The following HIP1 variants were observed in gnomAD, a reference collection of about 807,000 sequenced individuals.
The protein encoded by HIP1 is huntingtin interacting protein 1, also known as huntingtin-interacting protein 1.
Under a neutral mutation model 147.6 loss-of-function variants are expected in HIP1, and 65 were observed. The observed-to-expected ratio is 0.44, with a 90% CI of 0.36 to 0.54. The LOEUF is 0.54. Ranked by LOEUF, HIP1 falls within the 20% of genes least tolerant of loss-of-function variation. The pLI is 0.00. For synonymous variants in HIP1, 479 were observed against 504.0 expected, an observed-to-expected ratio of 0.95 and a Z score of 0.67; for missense variants, 1,061 against 1,299.6, an observed-to-expected ratio of 0.82 and a Z score of 2.82.
chr7:75,649,926 T>C (rs1436868536), intron 1 of HIP1, among the ~76,000 whole-genome samples: 1 of 152,144 alleles, frequency 6.6e-6, no homozygotes, highest in Non-Finnish European at 1.5e-5. Flanking sequence ...GACACTGCTG[T>C]TCCCCCCATA....
At chr7:75,688,288 G>A (rs1554517789) in intron 1 of HIP1, among the ~76,000 whole-genome samples, 1 of 152,176 alleles carries the variant, frequency 6.6e-6, no homozygotes, top group African/African-American at 2.4e-5. Context: ...AGCTTGCAGA[G>A]CTGTTGGGTG....
At chr7:75,694,501 CTTTCTT>C (rs1211885384) in intron 1 of HIP1, among the ~76,000 whole-genome samples, 10 of 138,656 alleles carry the variant, frequency 7.2e-5, no homozygotes, top group African/African-American at 2.4e-4. Flanking sequence ...TCTTTTCTTT[CTTTCTT>C]TTTTTTTTTT....
At chr7:75,559,608 G>C in intron 14 of HIP1, 124 bp downstream of exon 14, 2 of 793,544 alleles carry the variant, frequency 2.5e-6, no homozygotes, top group Non-Finnish European at 3.9e-6. Context: ...GGCATTCCTA[G>C]CTGTTTCTAG....
chr7:75,630,343 C>T (rs1314093161), intron 1 of HIP1, among the ~76,000 whole-genome samples: 2 of 151,422 alleles, frequency 1.3e-5, no homozygotes, highest in Non-Finnish European at 2.9e-5. Flanking sequence ...CCTGTAGTCC[C>T]AACTACTCGG....
intron 1 of HIP1, among the ~76,000 whole-genome samples, chr7:75,644,932 T>C (rs868962513): frequency 1.2e-4 from 19 of 152,316 alleles, no homozygotes; most frequent in African/African-American, 3.6e-4. Context: ...TCCAGGAACC[T>C]TCACTTTGAC....
At chr7:75,691,405 C>T (rs1473595767) in intron 1 of HIP1, among the ~76,000 whole-genome samples, 3 of 150,892 alleles carry the variant, frequency 2.0e-5, no homozygotes, top group East Asian at 2.0e-4. Flanking sequence ...GCAGGAGAAT[C>T]GCTTGAACCT....
chr7:75,619,530 A>AAAAAG (rs2117087417), intron 1 of HIP1, among the ~76,000 whole-genome samples: 1 of 151,868 alleles, frequency 6.6e-6, no homozygotes, highest in African/African-American at 2.4e-5. Flanking sequence ...AAAAAAAAAA[A>AAAAAG]AGAGAAGAAA....
At chr7:75,545,749 T>C (rs782350236) in intron 25 of HIP1, among the ~76,000 whole-genome samples, 2 of 151,902 alleles carry the variant, frequency 1.3e-5, no homozygotes, top group African/African-American at 2.4e-5. Context: ...ATTGAGACCA[T>C]CCTGTCTAAC....
At chr7:75,598,833 A>T (rs1796860234) in intron 2 of HIP1, among the ~76,000 whole-genome samples, 2 of 152,294 alleles carry the variant, frequency 1.3e-5, no homozygotes, top group South Asian at 4.1e-4. Flanking sequence ...CAGGAGTTTG[A>T]GGCTGCAGTG....
intron 1 of HIP1, among the ~76,000 whole-genome samples, chr7:75,621,064 T>C (rs925521395): frequency 5.9e-5 from 9 of 152,050 alleles, no homozygotes; most frequent in African/African-American, 2.2e-4. Flanking sequence ...ATCCTGTCTC[T>C]ACAAAAAAAT....
At chr7:75,541,884 T>C (rs1554489954) in intron 29 of HIP1, 35 bp downstream of exon 29, 2 of 1,480,458 alleles carry the variant, frequency 1.4e-6, no homozygotes, top group Non-Finnish European at 9.5e-7. Context: ...GTCTAGGCAA[T>C]AGAGGCTATC....
intron 8 of HIP1, among the ~76,000 whole-genome samples, chr7:75,571,085 G>A (rs1338250351): frequency 2.0e-5 from 3 of 152,074 alleles, no homozygotes; most frequent in African/African-American, 7.2e-5. Context: ...CCCTTCCTCA[G>A]CCCAGAGGCA....
At chr7:75,583,327 C>T (rs974724950) in intron 5 of HIP1, among the ~76,000 whole-genome samples, 5 of 152,120 alleles carry the variant, frequency 3.3e-5, no homozygotes, top group Admixed American at 6.6e-5. Context: ...GGCCGGCTGC[C>T]GACTGTCCCT....
Position 75,572,193 on chromosome 7 carries a change from T to C in HIP1, c.745+1568A>G, listed in dbSNP as rs191813644. On this transcript the variant is annotated intron_variant, in intron 8 of 30. Coordinates refer to ENST00000336926, the MANE Select transcript of HIP1 (RefSeq NM_005338.7). The stretch of plus-strand genomic sequence containing the variant: ...GAGCCGAGATCATGCCATTGCACTC[T>C]AGCCTGGGTGAGAGAGTGAGACTCT... Among the ~76,000 whole-genome samples the C allele has an allele frequency of 9.1e-3, 1,345 of 147,120 alleles. 9 individuals carry two copies. The highest frequency in any genetic ancestry group is 0.025 in the Middle Eastern group (7 of 284).
intron 1 of HIP1, among the ~76,000 whole-genome samples, chr7:75,717,616 G>A (rs551057129): frequency 6.8e-5 from 10 of 146,512 alleles, no homozygotes; most frequent in Admixed American, 2.9e-4. Context: ...CAGATCACTC[G>A]AGGTCCGGAG....
chr7:75,710,689 G>A (rs1206380782), intron 1 of HIP1, among the ~76,000 whole-genome samples: 4 of 152,122 alleles, frequency 2.6e-5, no homozygotes, highest in Non-Finnish European at 5.9e-5. Flanking sequence ...GGAGTTCAAG[G>A]CCATAGTGCA....
chr7:75,601,616 CA>C (rs587710789), intron 1 of HIP1, among the ~76,000 whole-genome samples: 72 of 141,950 alleles, frequency 5.1e-4, no homozygotes, highest in Non-Finnish European at 7.0e-4. Context: ...ACAACAACAA[CA>C]AAAAAAAAAA....
chr7:75,706,498 T>A lies in HIP1; in HGVS notation c.120+32303A>T, dbSNP rs1333852642. 6.8e-5 allele frequency among the ~76,000 whole-genome samples: 10 copies of A among 146,044 alleles called. 1 individual carries two copies. Among genetic ancestry groups the A allele is most frequent in the South Asian group, 6.2e-4 (3 of 4,814 alleles). On this transcript the variant is annotated intron_variant, in intron 1 of 30. Coordinates refer to ENST00000336926, the MANE Select transcript of HIP1 (RefSeq NM_005338.7). ...CTTTTTTTTTATTTTTTTTTTATTT[T>A]TTTATTTTTTATTTATTTATTTATT...
At chr7:75,576,870 A>G (rs1795863907) in intron 7 of HIP1, among the ~76,000 whole-genome samples, 1 of 152,262 alleles carries the variant, frequency 6.6e-6, no homozygotes, top group South Asian at 2.1e-4. Flanking sequence ...AAATGTTCAT[A>G]TAAACTTTTT....
Sources: allele counts gnomAD v4.1 joint callset (sites outside exome capture counted in the v4.1 genomes callset), GRCh38; gene constraint gnomAD v4.1.1; transcripts MANE v1.5; gene names NCBI Gene and HGNC (gene_info 2026-07-23, HGNC 2026-07-21).